CCDC12: variants seen among roughly 807,000 people sequenced by gnomAD.
The protein encoded by CCDC12 is coiled-coil domain-containing protein 12.
CCDC12 carries 28 observed loss-of-function variants against 25.7 expected under a neutral mutation model. The ratio of observed to expected loss-of-function variants is 1.09; its 90% CI spans 0.81 to 1.50. CCDC12 has a LOEUF of 1.50. CCDC12 is among the 40% of genes most tolerant of loss of function. The pLI is 0.00. For synonymous variants in CCDC12, 75 were observed against 87.7 expected (o/e 0.86, Z 0.81); for missense variants, 198 against 210.0 (o/e 0.94, Z 0.35).
Position 46,950,539 on chromosome 3 carries a change from G to A in CCDC12, c.97-9474C>T, listed in dbSNP as rs528236132. Among the ~76,000 whole-genome samples the A allele has an allele frequency of 4.7e-5, 7 of 150,392 alleles. No individual in the cohort carries two copies. In the South Asian group the frequency reaches 6.3e-4, roughly 13 times the overall value. ...TAACTATATTGCCAAGGTTGGTTTCGAGCTCCTGGGCTCAAGTAATCCTCC... is the reference window on the plus strand; with the variant it reads ...TAACTATATTGCCAAGGTTGGTTTCAAGCTCCTGGGCTCAAGTAATCCTCC... On this transcript the variant is annotated intron_variant, in intron 1 of 6. Transcript: ENST00000683445.
chr3:46,973,613 C>CTTTTTTT (rs758663577), intron 1 of CCDC12, among the ~76,000 whole-genome samples: 1 of 97,952 alleles, frequency 1.0e-5, no homozygotes, highest in Non-Finnish European at 2.1e-5. Context: ...TTCTTCTTTT[C>CTTTTTTT]TTTTTTTTTT....
At chr3:46,923,128 GC>G (rs1472836307) in intron 5 of CCDC12, 200 bp downstream of exon 5, 6 of 483,022 alleles carry the variant, frequency 1.2e-5, no homozygotes, top group African/African-American at 2.0e-5. Flanking sequence ...CCGCGCCTGA[GC>G]CCCACTCCAT....
At chr3:46,951,798 A>AAAAAAAAATATATATATATATAT in intron 1 of CCDC12, among the ~76,000 whole-genome samples, 1 of 8,464 alleles carries the variant, frequency 1.2e-4, no homozygotes, top group African/African-American at 2.5e-4. Context: ...AAAAAAAAAA[A>AAAAAAAAATATATATATATATAT]ATATATATAT....
chr3:46,923,606 C>T lies in CCDC12; in HGVS notation c.306+1G>A. On this transcript the variant is annotated splice_donor_variant, in intron 4 of 6. Transcript: ENST00000683445. LOFTEE classifies it high-confidence loss of function. ...GATGCCAGGGTGGTCCAGGCACTCACCACCTCCTCGATGACGGGCTCGGGC... is the reference window on the plus strand; with the variant it reads ...GATGCCAGGGTGGTCCAGGCACTCATCACCTCCTCGATGACGGGCTCGGGC... 5 of 1,603,146 alleles carry T rather than the reference C, an allele frequency of 3.1e-6. No homozygotes were observed. Among genetic ancestry groups the T allele is most frequent in the East Asian group, 4.5e-5 (2 of 44,382 alleles).
rs1013578074 is a variant in CCDC12 at position 46,976,424 on chromosome 3, C to A, written c.96+213G>T. 4 of 1,421,502 alleles carry A rather than the reference C, an allele frequency of 2.8e-6. No homozygotes were observed. In the Admixed American group the frequency reaches 8.8e-5, roughly 31 times the overall value. The allele number at this position is 1,421,502 out of a possible 1,614,324, so 88.1% of individuals were successfully genotyped here. A position where few individuals can be genotyped will look rare whatever the true frequency, so the allele number is the denominator to read the frequency against. On this transcript the variant is annotated intron_variant, in intron 1 of 6. Transcript: ENST00000683445. ...GACCACTGCCTTGCCCACCCCCGCG[C>A]ATGCGCGACGACCGCACCAGCGCCA...
rs571143937 is a variant in CCDC12, at chr3:46,934,258, C to T, written c.164+6740G>A. 3.4e-4 allele frequency among the ~76,000 whole-genome samples: 52 copies of T among 152,356 alleles called. No homozygotes were observed. The South Asian group carries it at 0.01, about 30-fold the overall frequency. The stretch of plus-strand genomic sequence containing the variant: ...CACTGCCCCTCACCCTCCCAGGGCC[C>T]AATCTAGCCCACAGACCACTCTGGG... On this transcript the variant is annotated intron_variant, in intron 2 of 6. Coordinates refer to ENST00000683445, the MANE Select transcript of CCDC12 (RefSeq NM_001277074.2).
At chr3:46,928,824 A>C (rs973303912) in intron 2 of CCDC12, among the ~76,000 whole-genome samples, 1 of 152,190 alleles carries the variant, frequency 6.6e-6, no homozygotes, top group African/African-American at 2.4e-5. Context: ...ATTGCAGGGA[A>C]AAAATAAAAT....
chr3:46,941,162 G>C, intron 1 of CCDC12, 97 bp from the exon 2 acceptor site: 1 of 1,194,434 alleles, frequency 8.4e-7, no homozygotes, highest in Non-Finnish European at 1.2e-6. Context: ...CTCAGAAGGG[G>C]GGCACCTGGC....
chr3:46,924,342 C>T (rs2032841536), intron 3 of CCDC12, among the ~76,000 whole-genome samples: 1 of 152,204 alleles, frequency 6.6e-6, no homozygotes. Flanking sequence ...CTGGGCAGTT[C>T]CTCACCTCTC....
At chr3:46,956,713 TG>T (rs1216138315) in intron 1 of CCDC12, among the ~76,000 whole-genome samples, 2 of 151,860 alleles carry the variant, frequency 1.3e-5, no homozygotes, top group Admixed American at 1.3e-4. Context: ...CCCAGCTACT[TG>T]GGGGGCTGAG....
At chr3:46,977,212 C>T (rs573256074), upstream of CCDC12, among the ~76,000 whole-genome samples, 6 of 152,274 alleles carry the variant, frequency 3.9e-5, no homozygotes, top group African/African-American at 1.2e-4. Flanking sequence ...CGGTGGCTCA[C>T]GCCTGTAATC....
At chr3:46,937,106 T>C (rs1438601893) in intron 2 of CCDC12, among the ~76,000 whole-genome samples, 1 of 152,136 alleles carries the variant, frequency 6.6e-6, no homozygotes, top group African/African-American at 2.4e-5. Flanking sequence ...TGCAGATCTG[T>C]GTAACTCCCT....
At chr3:46,931,594 C>A (rs980193070) in intron 2 of CCDC12, among the ~76,000 whole-genome samples, 23 of 93,424 alleles carry the variant, frequency 2.5e-4, no homozygotes, top group African/African-American at 7.3e-4. Context: ...CCACATTCAC[C>A]TGCTGCCCTG....
chr3:46,977,471 CAAAAAAA>C (rs61340798), upstream of CCDC12, among the ~76,000 whole-genome samples: 57,154 of 120,072 alleles, frequency 0.48, 13,611 homozygotes, highest in Non-Finnish European at 0.55. Flanking sequence ...GACTCCGTCT[CAAAAAAA>C]AAAAAAAAAA....
At chr3:46,927,010 C>T (rs1265100371) in intron 2 of CCDC12, among the ~76,000 whole-genome samples, 1 of 152,216 alleles carries the variant, frequency 6.6e-6, no homozygotes, top group Non-Finnish European at 1.5e-5. Context: ...CAGGGGCTTT[C>T]AGATGCTATT....
chr3:46,958,111 C>T (rs567733052), intron 1 of CCDC12, among the ~76,000 whole-genome samples: 2 of 151,758 alleles, frequency 1.3e-5, no homozygotes, highest in South Asian at 2.1e-4. Context: ...GACAAGATAA[C>T]GAAGAATTCT....
chr3:46,951,321 G>A (rs35441641), intron 1 of CCDC12, among the ~76,000 whole-genome samples: 156 of 151,820 alleles, frequency 1.0e-3, no homozygotes, highest in Non-Finnish European at 1.3e-3. Flanking sequence ...CATGGTGATC[G>A]GTTAATAATA....
At chr3:46,969,790 C>T (rs1313619510) in intron 1 of CCDC12, among the ~76,000 whole-genome samples, 1 of 152,166 alleles carries the variant, frequency 6.6e-6, no homozygotes, top group Non-Finnish European at 1.5e-5. Flanking sequence ...GTAAGTCAGG[C>T]TGAAGGGAGC....
At chr3:46,975,981 G>A (rs1268882203) in intron 1 of CCDC12, 1 of 151,346 alleles carries the variant, frequency 6.6e-6, no homozygotes, top group Non-Finnish European at 1.5e-5. Context: ...GAGAAGCTGG[G>A]ATTACAGGCG....
Sources: allele counts gnomAD v4.1 joint callset (sites outside exome capture counted in the v4.1 genomes callset), GRCh38; gene constraint gnomAD v4.1.1; transcripts MANE v1.5; gene names NCBI Gene and HGNC (gene_info 2026-07-23, HGNC 2026-07-21).